The following SEM1 variants were observed in gnomAD, a reference collection of about 807,000 sequenced individuals.
SEM1 encodes 26S proteasome complex subunit SEM1.
A neutral mutation model predicts 12.7 loss-of-function variants in SEM1; 3 were observed. The observed-to-expected ratio is 0.24, with a 90% CI of 0.11 to 0.61. SEM1 has a LOEUF of 0.61. Among genes scored for constraint, SEM1 ranks in the 20% least tolerant of loss-of-function variants. SEM1 has a pLI of 0.88. For synonymous variants in SEM1, 30 were observed against 27.8 expected, an observed-to-expected ratio of 1.08 and a Z score of -0.25; for missense variants, 59 against 81.3, an observed-to-expected ratio of 0.73 and a Z score of 1.06.
At position 96,592,406 on chromosome 7, in the gene SEM1, G is replaced by T. The variant is rs563381146; in HGVS notation, c.171-85708C>A. ...GGTGAGTCACTTGTATGTACAATAC[G>T]TGCATTCACATCTATTAGGCTAAAT... On this transcript the variant is annotated intron_variant and NMD_transcript_variant, in intron 2 of 3. Coordinates refer to the SEM1 transcript ENST00000466986. Among the ~76,000 whole-genome samples, 10 of 152,084 alleles carry T rather than the reference G, an allele frequency of 6.6e-5. No individual in the cohort carries two copies. The South Asian group carries it at 2.1e-3, about 32-fold the overall frequency.
At chr7:96,486,525 A>G (rs1354234187) in intron 1 of SEM1, 6 of 873,182 alleles carry the variant, frequency 6.9e-6, no homozygotes, top group Non-Finnish European at 1.1e-5. Flanking sequence ...CTGGATTTTA[A>G]GCAGCCTCCT....
intron 2 of SEM1, among the ~76,000 whole-genome samples, chr7:96,541,431 G>GGTTTTTTTTTTGTTTTTTTTTTTTT: frequency 8.2e-6 from 1 of 121,508 alleles, no homozygotes; most frequent in South Asian, 2.5e-4. Context: ...TTTTTAATGG[G>GGTTTTTTTTTTGTTTTTTTTTTTTT]TTTTTTTTTT....
At chr7:96,509,919 T>C (rs2117294978) in intron 2 of SEM1, among the ~76,000 whole-genome samples, 1 of 151,760 alleles carries the variant, frequency 6.6e-6, no homozygotes, top group South Asian at 2.1e-4. Flanking sequence ...GAAATTCATG[T>C]TTAATAAGTA....
At chr7:96,513,835 A>T (rs929017968) in intron 2 of SEM1, among the ~76,000 whole-genome samples, 2 of 152,086 alleles carry the variant, frequency 1.3e-5, no homozygotes, top group Non-Finnish European at 2.9e-5. Context: ...TCTCAAAAAT[A>T]AAAAAATTCG....
chr7:96,705,483 A>G (rs1276326213), intron 1 of SEM1, among the ~76,000 whole-genome samples: 1 of 152,172 alleles, frequency 6.6e-6, no homozygotes, highest in East Asian at 1.9e-4. Context: ...ACTAATAAAA[A>G]TATTTTTTAA....
At chr7:96,574,416 A>G (rs1479474028) in intron 2 of SEM1, among the ~76,000 whole-genome samples, 12 of 152,204 alleles carry the variant, frequency 7.9e-5, no homozygotes, top group Non-Finnish European at 1.3e-4. Context: ...GTATCTTTAT[A>G]GCAGCATGAT....
At position 96,612,618 on chromosome 7, in the gene SEM1, GT is replaced by G. The variant is rs764251309; in HGVS notation, c.170+82179del. On this transcript the variant is annotated intron_variant and NMD_transcript_variant, in intron 2 of 3. Coordinates refer to the SEM1 transcript ENST00000466986. ...TGGTGAGAATATAGTTGTTTTTGTT[GT>G]TGTTGCTTTTGGTTTTTTTTGTTGT... Among the ~76,000 whole-genome samples the G allele has an allele frequency of 7.9e-5, 12 of 152,234 alleles. No homozygotes were observed. In the South Asian group the frequency reaches 1.0e-3, roughly 13 times the overall value.
chr7:96,571,576 A>G (rs1198141626), intron 2 of SEM1, among the ~76,000 whole-genome samples: 1 of 151,074 alleles, frequency 6.6e-6, no homozygotes, highest in African/African-American at 2.4e-5. Context: ...GTATATATAT[A>G]CATATATACG....
At chr7:96,585,040 C>T (rs186411432) in intron 2 of SEM1, among the ~76,000 whole-genome samples, 2,003 of 151,778 alleles carry the variant, frequency 0.013, 42 homozygotes, top group African/African-American at 0.046. Flanking sequence ...GAAGGAGAGG[C>T]GCTCTGCTTT....
chr7:96,689,035 T>TAA (rs1789846177), intron 2 of SEM1, 69 bp from the exon 3 acceptor site: 1 of 947,846 alleles, frequency 1.1e-6, no homozygotes, highest in Admixed American at 2.0e-5. Flanking sequence ...AACAATACAA[T>TAA]AAATAAACAA....
intron 2 of SEM1, among the ~76,000 whole-genome samples, chr7:96,588,328 C>T (rs1343443253): frequency 6.7e-6 from 1 of 150,186 alleles, no homozygotes; most frequent in African/African-American, 2.5e-5. Flanking sequence ...GCCTGTGCAA[C>T]AGAGCAAGAT....
chr7:96,692,179 G>GATGTGAA (rs1452327293), intron 2 of SEM1, among the ~76,000 whole-genome samples: 1 of 152,160 alleles, frequency 6.6e-6, no homozygotes, highest in Non-Finnish European at 1.5e-5. Context: ...AACATGTAAT[G>GATGTGAA]ATGTGAAATC....
At chr7:96,707,569 T>C (rs1321830402) in intron 1 of SEM1, among the ~76,000 whole-genome samples, 1 of 152,260 alleles carries the variant, frequency 6.6e-6, no homozygotes, top group Non-Finnish European at 1.5e-5. Flanking sequence ...CCATAAATGG[T>C]CAATTACTTA....
intron 1 of SEM1, among the ~76,000 whole-genome samples, chr7:96,495,060 A>G (rs1308235399): frequency 1.2e-4 from 16 of 129,548 alleles, no homozygotes; most frequent in African/African-American, 2.6e-4. Flanking sequence ...GAAGGGGGTG[A>G]AGAGAGAGCA....
intron 2 of SEM1, among the ~76,000 whole-genome samples, chr7:96,674,975 T>C (rs1789414509): frequency 6.6e-6 from 1 of 152,018 alleles, no homozygotes. Context: ...ATGGAAGGCT[T>C]TGGATCTTTT....
chr7:96,600,336 A>C (rs113861459), intron 2 of SEM1, among the ~76,000 whole-genome samples: 2,077 of 152,358 alleles, frequency 0.014, 42 homozygotes, highest in African/African-American at 0.048. Context: ...TATTTATGAT[A>C]TAGGCAGTAG....
chr7:96,573,616 G>A (rs543028917), intron 2 of SEM1, among the ~76,000 whole-genome samples: 29 of 152,178 alleles, frequency 1.9e-4, no homozygotes, highest in African/African-American at 7.0e-4. Flanking sequence ...TACCTTTTAG[G>A]GTTTCTGTGG....
chr7:96,689,403 T>C (rs1331376009), intron 2 of SEM1, among the ~76,000 whole-genome samples: 1 of 152,190 alleles, frequency 6.6e-6, no homozygotes, highest in Non-Finnish European at 1.5e-5. Flanking sequence ...ACTATATTAC[T>C]GTTGTATATG....
At chr7:96,578,177 A>G (rs140141293) in intron 2 of SEM1, among the ~76,000 whole-genome samples, 1 of 151,480 alleles carries the variant, frequency 6.6e-6, no homozygotes, top group East Asian at 1.9e-4. Context: ...GGAGGATAAT[A>G]GAATTGGGGA....
Sources: allele counts gnomAD v4.1 joint callset (sites outside exome capture counted in the v4.1 genomes callset), GRCh38; gene constraint gnomAD v4.1.1; transcripts MANE v1.5; gene names NCBI Gene and HGNC (gene_info 2026-07-23, HGNC 2026-07-21).